The following MTMR3 variants were observed in gnomAD, a reference collection of about 807,000 sequenced individuals.
MTMR3 encodes the protein phosphatidylinositol-3,5-bisphosphate 3-phosphatase MTMR3.
In MTMR3, 32 loss-of-function variants were observed where a neutral mutation model predicts 132.4. The ratio of observed to expected loss-of-function variants is 0.24; its 90% CI spans 0.18 to 0.32. The LOEUF (loss-of-function observed/expected upper bound fraction) is 0.32, where lower values mean the gene tolerates loss of function less well. Among genes scored for constraint, MTMR3 ranks in the 10% least tolerant of loss-of-function variants. MTMR3 has a pLI of 1.00. For synonymous variants in MTMR3, 556 were observed against 550.3 expected (o/e 1.01, Z -0.14); for missense variants, 1,216 against 1,489.6 (o/e 0.82, Z 3.02).
In MTMR3 at chr22:30,019,974, T is replaced by C. The variant is rs766677621; in HGVS notation, c.2315T>C (p.Leu772Pro). ...GGCATTTCTGAACAGCAGAGTGGGCTCAGTGTTCTCCTCAGTTCTCTCCAG... is the reference window on the plus strand; with the variant it reads ...GGCATTTCTGAACAGCAGAGTGGGCCCAGTGTTCTCCTCAGTTCTCTCCAG... ...SQGISEQQSG[L>P]SVLLSSLQVP... is the part of the protein sequence containing the mutation. The change falls in exon 17 of 20, where the codon CTC (leucine) becomes CCC (proline). Residue 772 changes from leucine (L) to proline (P), a missense_variant. Transcript: ENST00000401950. 5.4e-5 allele frequency: 87 copies of C among 1,614,032 alleles called. No homozygotes were observed. The highest frequency in any genetic ancestry group is 2.0e-4 in the Admixed American group (12 of 60,002).
chr22:29,967,264 A>G (rs1005169820), intron 2 of MTMR3, among the ~76,000 whole-genome samples: 2 of 150,852 alleles, frequency 1.3e-5, no homozygotes, highest in African/African-American at 4.9e-5. Flanking sequence ...TTTTTTAGAG[A>G]CAAGGTCTTG....
chr22:29,946,051 G>T (rs1224834445), intron 1 of MTMR3, among the ~76,000 whole-genome samples: 2 of 147,338 alleles, frequency 1.4e-5, no homozygotes, highest in Non-Finnish European at 3.0e-5. Context: ...GGTAATCAAG[G>T]TATAATTAAA....
intron 1 of MTMR3, among the ~76,000 whole-genome samples, chr22:29,927,864 T>A (rs1042452143): frequency 6.6e-6 from 1 of 152,086 alleles, no homozygotes; most frequent in Non-Finnish European, 1.5e-5. Flanking sequence ...TTTTCTTTTT[T>A]TAAAATTTTT....
chr22:29,990,240 C>G (rs1369914002), intron 6 of MTMR3: 1 of 152,136 alleles, frequency 6.6e-6, no homozygotes, highest in Non-Finnish European at 1.5e-5. Flanking sequence ...TCTGAAAAAC[C>G]AAAAACCAAC....
chr22:30,017,630 A>G, intron 15 of MTMR3: 2 of 311,130 alleles, frequency 6.4e-6, no homozygotes, highest in Admixed American at 5.5e-5. Flanking sequence ...AAGCTGATGA[A>G]AGTCAGACAT....
chr22:29,931,697 G>A (rs1465720867), intron 1 of MTMR3, among the ~76,000 whole-genome samples: 1 of 151,830 alleles, frequency 6.6e-6, no homozygotes, highest in African/African-American at 2.4e-5. Flanking sequence ...ACAGGCATGA[G>A]CCACCACACC....
intron 1 of MTMR3, among the ~76,000 whole-genome samples, chr22:29,919,535 TG>T (rs559003977): frequency 3.3e-5 from 5 of 152,320 alleles, no homozygotes; most frequent in Admixed American, 6.5e-5. Flanking sequence ...CTTTTGGGCA[TG>T]TTTTTTTTGA....
intron 7 of MTMR3, chr22:29,996,350 T>G (rs890597471): frequency 1.3e-5 from 2 of 152,230 alleles, no homozygotes; most frequent in Admixed American, 6.5e-5. Flanking sequence ...CAGAATGTTG[T>G]GCTCTGGATG....
chr22:29,884,585 CAG>C (rs951385638), intron 1 of MTMR3, among the ~76,000 whole-genome samples: 1 of 95,804 alleles, frequency 1.0e-5, no homozygotes, highest in African/African-American at 4.2e-5. Context: ...TTTTTTAAGA[CAG>C]AATCTCTCTC....
chr22:29,929,511 G>T (rs2065597109), intron 1 of MTMR3, among the ~76,000 whole-genome samples: 1 of 150,808 alleles, frequency 6.6e-6, no homozygotes, highest in Non-Finnish European at 1.5e-5. Flanking sequence ...TCTCTCTCAT[G>T]GATTTTTATT....
intron 1 of MTMR3, among the ~76,000 whole-genome samples, chr22:29,954,503 A>C (rs888736333): frequency 2.0e-5 from 3 of 152,156 alleles, no homozygotes; most frequent in Non-Finnish European, 4.4e-5. Flanking sequence ...GACTGTGGTT[A>C]CTGGGAAGAA....
intron 1 of MTMR3, among the ~76,000 whole-genome samples, chr22:29,911,503 A>G (rs2065211922): frequency 6.6e-6 from 1 of 151,934 alleles, no homozygotes; most frequent in Admixed American, 6.5e-5. Context: ...TGATCACGAT[A>G]CTGCAGTCCA....
chr22:29,946,145 A>G (rs1373492752), intron 1 of MTMR3, among the ~76,000 whole-genome samples: 1 of 152,206 alleles, frequency 6.6e-6, no homozygotes, highest in African/African-American at 2.4e-5. Flanking sequence ...AGAATTAGGC[A>G]TTTCAAAGAA....
chr22:29,885,360 A>T (rs1407706971), intron 1 of MTMR3, among the ~76,000 whole-genome samples: 1 of 152,150 alleles, frequency 6.6e-6, no homozygotes, highest in East Asian at 1.9e-4. Flanking sequence ...GGAGAAGGGG[A>T]AGCATGAGAA....
intron 14 of MTMR3, 150 bp downstream of exon 14, chr22:30,013,691 A>G: frequency 1.3e-6 from 1 of 747,750 alleles, no homozygotes; most frequent in Non-Finnish European, 2.0e-6. Context: ...TTAGTAAATA[A>G]TTTTGCTATT....
At chr22:30,008,997 C>T in intron 11 of MTMR3, 21 bp from the exon 12 acceptor site, 1 of 1,534,790 alleles carries the variant, frequency 6.5e-7, no homozygotes, top group East Asian at 2.2e-5. Context: ...TTTGTGTTCT[C>T]TTTATTGTTA....
At chr22:29,934,480 T>A (rs2065709324) in intron 1 of MTMR3, among the ~76,000 whole-genome samples, 1 of 152,226 alleles carries the variant, frequency 6.6e-6, no homozygotes, top group Non-Finnish European at 1.5e-5. Context: ...AGCCCAATTT[T>A]TCTTTTGTAT....
Position 30,016,611 on chromosome 22 carries a change from T to C in MTMR3, c.1587T>C (p.Thr529=). The change falls in exon 15 of 20, where the codon ACT becomes ACC. Residue 529 remains threonine (T), a synonymous_variant. Transcript: ENST00000401950. ...NNAKERGEKH[T]QERTCSVWSL... ...CCAAGGAGAGAGGGGAAAAGCATAC[T>C]CAGGAACGGACATGTTCCGTGTGGT... The C allele has an allele frequency of 6.2e-7, 1 of 1,614,184 alleles. No homozygotes were observed. Among genetic ancestry groups the C allele is most frequent in the Non-Finnish European group, 8.5e-7 (1 of 1,180,024 alleles).
At chr22:30,013,261 TGTTA>T in intron 13 of MTMR3, 91 bp from the exon 14 acceptor site, 5 of 1,327,662 alleles carry the variant, frequency 3.8e-6, no homozygotes, top group Non-Finnish European at 5.2e-6. Flanking sequence ...TCTGGGAGGC[TGTTA>T]GAGGGGATTG....
Sources: gnomAD v4.1 joint callset for allele counts (sites outside exome capture counted in the v4.1 genomes callset) on GRCh38, gnomAD v4.1.1 for gene constraint, MANE v1.5 for transcripts, NCBI Gene and HGNC (gene_info 2026-07-23, HGNC 2026-07-21) for gene names.